Variants in NAA35 observed in about 807,000 individuals in gnomAD.
NAA35 encodes N-alpha-acetyltransferase 35, NatC auxiliary subunit.
A neutral mutation model predicts 101.7 loss-of-function variants in NAA35; 18 were observed. That is an observed-to-expected ratio of 0.18 (90% confidence interval 0.12 to 0.26). The LOEUF is 0.26. Ranked by LOEUF, NAA35 falls within the 10% of genes least tolerant of loss-of-function variation. The pLI, the probability that NAA35 is intolerant of heterozygous loss-of-function variation, is 1.00. For synonymous variants in NAA35, 267 were observed against 273.1 expected, an observed-to-expected ratio of 0.98 and a Z score of 0.22; for missense variants, 601 against 886.8, an observed-to-expected ratio of 0.68 and a Z score of 4.09.
intron 2 of NAA35, among the ~76,000 whole-genome samples, chr9:85,954,991 C>T (rs149093252): frequency 0.011 from 1,636 of 152,160 alleles, 22 homozygotes; most frequent in Middle Eastern, 0.034. Flanking sequence ...AATCTCGGCT[C>T]ACTGCAACCT....
intron 11 of NAA35, among the ~76,000 whole-genome samples, chr9:85,984,902 G>A (rs1021281040): frequency 1.3e-5 from 2 of 152,178 alleles, no homozygotes; most frequent in African/African-American, 4.8e-5. Flanking sequence ...TGACTTAAAT[G>A]TGAGAACTAA....
At chr9:85,988,379 A>T (rs540111207) in intron 11 of NAA35, among the ~76,000 whole-genome samples, 8 of 152,256 alleles carry the variant, frequency 5.3e-5, no homozygotes, top group Non-Finnish European at 1.2e-4. Flanking sequence ...CTAAAAGAAG[A>T]AGTAATGAAT....
intron 11 of NAA35, among the ~76,000 whole-genome samples, chr9:85,987,816 A>G (rs998181405): frequency 6.6e-6 from 1 of 152,260 alleles, no homozygotes; most frequent in East Asian, 1.9e-4. Flanking sequence ...TAGTGTAAAC[A>G]TAAGTAGACC....
chr9:85,984,267 T>C (rs1490847303), intron 11 of NAA35, among the ~76,000 whole-genome samples: 3 of 152,178 alleles, frequency 2.0e-5, no homozygotes, highest in African/African-American at 7.2e-5. Context: ...AGGTTGAGGC[T>C]ACAGTGAGCT....
intron 2 of NAA35, among the ~76,000 whole-genome samples, chr9:85,945,995 A>G (rs1230849048): frequency 6.6e-6 from 1 of 152,108 alleles, no homozygotes; most frequent in East Asian, 1.9e-4. Context: ...ATTCCTTATA[A>G]CTACTCTTGA....
At chr9:85,992,716 G>A (rs1830969994) in intron 11 of NAA35, among the ~76,000 whole-genome samples, 1 of 152,218 alleles carries the variant, frequency 6.6e-6, no homozygotes, top group African/African-American at 2.4e-5. Flanking sequence ...GTGTCAGACT[G>A]AAGGAGAATA....
At chr9:86,013,510 G>C (rs1034739402) in intron 16 of NAA35, among the ~76,000 whole-genome samples, 5 of 152,234 alleles carry the variant, frequency 3.3e-5, no homozygotes, top group African/African-American at 1.2e-4. Flanking sequence ...AAATTGATTT[G>C]GTTTAAGGCA....
Position 86,022,005 on chromosome 9 carries a change from G to A in NAA35, c.*45G>A. 1 of 1,491,502 alleles carries A rather than the reference G, an allele frequency of 6.7e-7. No homozygotes were observed. The highest frequency in any genetic ancestry group is 1.4e-5 in the African/African-American group (1 of 71,762). The allele number at this position is 1,491,502 out of a possible 1,614,324, so 92.4% of individuals were successfully genotyped here. On this transcript the variant is annotated 3_prime_UTR_variant, in exon 23 of 23. Coordinates refer to ENST00000361671, the MANE Select transcript of NAA35 (RefSeq NM_024635.4). ...CATAAAGGGGCAGAGTCTTCTTTCA[G>A]ACCCAACTCTTAGAGGGCACATCAC... is the stretch of plus-strand genomic sequence containing the variant.
chr9:85,998,470 A>G (rs1831274948), intron 12 of NAA35, among the ~76,000 whole-genome samples: 1 of 152,010 alleles, frequency 6.6e-6, no homozygotes, highest in South Asian at 2.1e-4. Flanking sequence ...TTTATAGGTA[A>G]CTCTTTTTAT....
chr9:85,996,324 TTA>T (rs1337895076), intron 11 of NAA35, 73 bp from the exon 12 acceptor site: 1 of 1,002,296 alleles, frequency 1.0e-6, no homozygotes, highest in African/African-American at 1.7e-5. Context: ...ACTGGCATTT[TTA>T]TATTTAATAA....
chr9:85,956,721 A>G lies in NAA35; in HGVS notation c.158+328A>G, dbSNP rs367856615. 9.8e-5 allele frequency among the ~76,000 whole-genome samples: 15 copies of G among 152,328 alleles called. No individual in the cohort carries two copies. In the East Asian group the frequency reaches 1.7e-3, roughly 18 times the overall value. On this transcript the variant is annotated intron_variant, in intron 3 of 22. Transcript: ENST00000361671. ...CTTGATAACCAGAAATTGGGTGACT[A>G]AGTGCCTAGATAAAAGTAAATGAGA...
At chr9:86,012,264 G>A (rs1328007723) in intron 15 of NAA35, among the ~76,000 whole-genome samples, 5 of 151,572 alleles carry the variant, frequency 3.3e-5, no homozygotes, top group Non-Finnish European at 7.4e-5. Flanking sequence ...GATTACAGGC[G>A]CCTGCCACCA....
chr9:85,998,256 T>C (rs1448631475), intron 12 of NAA35, among the ~76,000 whole-genome samples: 1 of 152,174 alleles, frequency 6.6e-6, no homozygotes, highest in Non-Finnish European at 1.5e-5. Context: ...GGGATCATGG[T>C]GTTTGGTAAC....
chr9:85,980,668 A>C (rs2118090176), intron 11 of NAA35, among the ~76,000 whole-genome samples: 1 of 152,312 alleles, frequency 6.6e-6, no homozygotes, highest in Non-Finnish European at 1.5e-5. Context: ...GTGTATTGCC[A>C]TGCTTGGCAT....
intron 11 of NAA35, among the ~76,000 whole-genome samples, chr9:85,980,079 G>A (rs931407061): frequency 1.3e-5 from 2 of 152,162 alleles, no homozygotes; most frequent in African/African-American, 2.4e-5. Context: ...GAAACACTTG[G>A]TGTGTTTACT....
chr9:86,017,688 G>A (rs1832296885), intron 19 of NAA35, 123 bp downstream of exon 19: 5 of 777,376 alleles, frequency 6.4e-6, no homozygotes, highest in Non-Finnish European at 8.1e-6. Flanking sequence ...CTTCCTGTCT[G>A]CTTGAAGATT....
At chr9:85,947,518 T>C (rs1431760282) in intron 2 of NAA35, among the ~76,000 whole-genome samples, 2 of 152,138 alleles carry the variant, frequency 1.3e-5, no homozygotes, top group Non-Finnish European at 1.5e-5. Context: ...AGGTGGAGCA[T>C]GGGTGAGATG....
At chr9:86,012,188 C>T (rs895348095) in intron 15 of NAA35, among the ~76,000 whole-genome samples, 3 of 150,222 alleles carry the variant, frequency 2.0e-5, no homozygotes, top group Non-Finnish European at 4.4e-5. Context: ...GGTGCGATCT[C>T]AGCTTACTGC....
At position 85,960,021 on chromosome 9, in the gene NAA35, A is replaced by G. The variant is rs10124780; in HGVS notation, c.348+154A>G. Among the ~76,000 whole-genome samples, 604 of 152,312 alleles carry G rather than the reference A, an allele frequency of 4.0e-3. 5 individuals are homozygous for G. The highest frequency in any genetic ancestry group is 0.014 in the African/African-American group (571 of 41,566). On this transcript the variant is annotated intron_variant, in intron 5 of 22. Coordinates refer to ENST00000361671, the MANE Select transcript of NAA35 (RefSeq NM_024635.4). ...TAAGATTAACAGGCCTAGTAATAGC[A>G]TTTCATCTTGTTATCTACTTGATTT...
Sources: allele counts gnomAD v4.1 joint callset (sites outside exome capture counted in the v4.1 genomes callset), GRCh38; gene constraint gnomAD v4.1.1; transcripts MANE v1.5; gene names NCBI Gene and HGNC (gene_info 2026-07-23, HGNC 2026-07-21).